KIAA0232: variants seen among roughly 807,000 people sequenced by gnomAD.
KIAA0232 encodes KIAA0232, also known as uncharacterized protein KIAA0232.
In KIAA0232, 27 loss-of-function variants were observed where a neutral mutation model predicts 122.0. That is an observed-to-expected ratio of 0.22 (90% CI 0.16 to 0.31). The LOEUF (loss-of-function observed/expected upper bound fraction) is 0.31. KIAA0232 is among the 10% of genes least tolerant of loss of function. KIAA0232 has a pLI of 1.00. For missense variants in KIAA0232, 1,551 were observed against 1,634.2 expected (o/e 0.95, Z 0.88); for synonymous variants, 613 against 587.6 (o/e 1.04, Z -0.63).
chr4:6,831,964 A>G (rs1163004041), intron 3 of KIAA0232, among the ~76,000 whole-genome samples: 2 of 152,020 alleles, frequency 1.3e-5, no homozygotes, highest in African/African-American at 2.4e-5. Context: ...GCCCACACCT[A>G]CCTTTCCCTT....
At chr4:6,865,834 C>G (rs1721146964) in intron 7 of KIAA0232, among the ~76,000 whole-genome samples, 1 of 152,160 alleles carries the variant, frequency 6.6e-6, no homozygotes, top group Admixed American at 6.5e-5. Flanking sequence ...TTAATTTTGC[C>G]CCTCTCTTAA....
chr4:6,789,621 C>CT (rs1206162541), intron 1 of KIAA0232, among the ~76,000 whole-genome samples: 2 of 152,118 alleles, frequency 1.3e-5, no homozygotes, highest in Non-Finnish European at 2.9e-5. Context: ...AATTTTGTGA[C>CT]TGAGTTGGAG....
intron 3 of KIAA0232, among the ~76,000 whole-genome samples, chr4:6,837,936 A>T (rs935787041): frequency 7.2e-5 from 11 of 151,872 alleles, no homozygotes; most frequent in African/African-American, 2.7e-4. Flanking sequence ...AGGGAGAGGG[A>T]GAGGGAGAGG....
Position 6,863,106 on chromosome 4 carries a change from T to C in KIAA0232, c.2724T>C (p.Gly908=), listed in dbSNP as rs1428727364. The C allele has an allele frequency of 6.2e-7, 1 of 1,614,214 alleles. No individual in the cohort carries two copies. ...FASSELSNVD[G]GDYTTPSKPW... ...CTAGTGAGCTATCAAACGTGGATGG[T>C]GGTGATTATACAACACCCTCTAAAC... The change falls in exon 7 of 10, where the codon GGT becomes GGC. Residue 908 remains glycine, a synonymous_variant. Transcript: ENST00000307659.
intron 4 of KIAA0232, among the ~76,000 whole-genome samples, chr4:6,846,400 C>A (rs185993100): frequency 6.6e-6 from 1 of 152,120 alleles, no homozygotes; most frequent in Non-Finnish European, 1.5e-5. Context: ...CAAGCTTTAC[C>A]GCCTGAGCTC....
Position 6,824,526 on chromosome 4 carries a change from G to T in KIAA0232, c.73G>T (p.Val25Leu), listed in dbSNP as rs1236879958. ...ESSSSSYPGP[V>L]SVSEMSLLHA... Reference sequence around the variant, plus strand: ...CTCCTCAAGTTCTTATCCAGGCCCTGTGTCTGTTTCTGAAATGTCTCTGCT... The same window carrying T: ...CTCCTCAAGTTCTTATCCAGGCCCTTTGTCTGTTTCTGAAATGTCTCTGCT... Residue 25 changes from valine (V) to leucine (L), a missense_variant, in exon 3 of 10, where the codon GTG becomes TTG. Around this residue, in one of 5 missense-constraint regions of KIAA0232, gnomAD observed 37 missense variants for 28.5 expected, o/e 1.30. Coordinates refer to ENST00000307659, the MANE Select transcript of KIAA0232 (RefSeq NM_014743.3). The T allele has an allele frequency of 1.2e-6, 2 of 1,614,170 alleles. No individual in the cohort carries two copies. Among genetic ancestry groups the T allele is most frequent in the Non-Finnish European group, 1.7e-6 (2 of 1,180,024 alleles).
chr4:6,880,958 C>T lies in KIAA0232; in HGVS notation c.4180C>T (p.His1394Tyr), dbSNP rs1722045323. 1.3e-6 allele frequency: 2 copies of T among 1,542,432 alleles called. No individual in the cohort carries two copies. Among genetic ancestry groups the T allele is most frequent in the Non-Finnish European group, 1.8e-6 (2 of 1,142,556 alleles). Residue 1394 changes from histidine (H) to tyrosine (Y), a missense_variant, in exon 10 of 10, where the codon CAT becomes TAT. By Grantham distance (83) the His-to-Tyr change is moderately conservative. Transcript: ENST00000307659. ...PSEEELFSRT[H>Y]L ...TGAAGAGGAGCTCTTTTCTCGAACTCATCTCTAAACCTGCAAAATAGTACA... is the reference window on the plus strand; with the variant it reads ...TGAAGAGGAGCTCTTTTCTCGAACTTATCTCTAAACCTGCAAAATAGTACA...
chr4:6,810,270 C>G (rs1208978731), intron 2 of KIAA0232, among the ~76,000 whole-genome samples: 1 of 152,046 alleles, frequency 6.6e-6, no homozygotes, highest in Non-Finnish European at 1.5e-5. Flanking sequence ...AGAAATTAAG[C>G]CACATATTTA....
At chr4:6,852,480 T>C (rs2108771183) in intron 4 of KIAA0232, among the ~76,000 whole-genome samples, 1 of 152,350 alleles carries the variant, frequency 6.6e-6, no homozygotes, top group South Asian at 2.1e-4. Flanking sequence ...TGATCACCAG[T>C]AGTCATTCTA....
In KIAA0232 at chr4:6,861,540, G is replaced by A. The variant is rs145830536; in HGVS notation, c.1158G>A (p.Leu386=). The change falls in exon 7 of 10, where the codon CTG becomes CTA. Residue 386 remains leucine (L), a synonymous_variant. Transcript: ENST00000307659. The part of the protein sequence containing the change: ...KDPGSTEGKD[L]YMENRKDTEY... The stretch of plus-strand genomic sequence containing the variant: ...CTGGGAGCACTGAAGGAAAAGACCT[G>A]TACATGGAGAATAGAAAGGACACAG... 4.7e-5 allele frequency: 76 copies of A among 1,614,060 alleles called. No homozygotes were observed. The East Asian group carries it at 1.6e-3, about 34-fold the overall frequency.
intron 3 of KIAA0232, among the ~76,000 whole-genome samples, chr4:6,840,662 A>G (rs1443276326): frequency 6.6e-6 from 1 of 151,668 alleles, no homozygotes; most frequent in Non-Finnish European, 1.5e-5. Context: ...TTTCTTTAAG[A>G]TTAGGACTGA....
intron 2 of KIAA0232, among the ~76,000 whole-genome samples, 157 bp downstream of exon 2, chr4:6,804,763 T>G (rs1717540043): frequency 6.6e-6 from 1 of 152,228 alleles, no homozygotes; most frequent in Admixed American, 6.5e-5. Context: ...TATTCCTAAA[T>G]TACATCTTCA....
intron 4 of KIAA0232, among the ~76,000 whole-genome samples, chr4:6,843,990 A>G (rs1261268304): frequency 1.7e-5 from 2 of 117,830 alleles, no homozygotes; most frequent in African/African-American, 6.5e-5. Context: ...CCCAGGCTGA[A>G]GTGCAGTGGC....
intron 4 of KIAA0232, among the ~76,000 whole-genome samples, chr4:6,850,178 G>A (rs1276287227): frequency 6.6e-6 from 1 of 152,154 alleles, no homozygotes. Context: ...TTAGGGGCTG[G>A]GGTATGAAAA....
chr4:6,837,508 G>C (rs1243192531), intron 3 of KIAA0232, among the ~76,000 whole-genome samples: 1 of 152,242 alleles, frequency 6.6e-6, no homozygotes, highest in African/African-American at 2.4e-5. Flanking sequence ...TTCCTAGACG[G>C]GGTGGCGGCC....
Position 6,860,964 on chromosome 4 carries a change from G to T in KIAA0232, c.582G>T (p.Val194=). The change falls in exon 7 of 10, where the codon GTG becomes GTT. Residue 194 remains valine (V), a synonymous_variant. Transcript: ENST00000307659. The stretch of plus-strand genomic sequence containing the variant: ...TTTGCCTGCAAGAAATCATGACTGT[G>T]TGGAACAAGTCTAAAGTCTGTTCTT... ...KPVCLQEIMT[V]WNKSKVCSYS... The T allele has an allele frequency of 6.2e-7, 1 of 1,614,094 alleles. No individual in the cohort carries two copies. Among genetic ancestry groups the T allele is most frequent in the Non-Finnish European group, 8.5e-7 (1 of 1,179,992 alleles).
At chr4:6,878,864 G>T (rs998194323) in intron 9 of KIAA0232, among the ~76,000 whole-genome samples, 2 of 152,136 alleles carry the variant, frequency 1.3e-5, no homozygotes, top group African/African-American at 4.8e-5. Context: ...CATCGTCCAC[G>T]TCCTGCTGCC....
At chr4:6,866,203 A>G in intron 7 of KIAA0232, 1 of 983,418 alleles carries the variant, frequency 1.0e-6, no homozygotes, top group South Asian at 4.7e-5. Context: ...TTGGGAAGAA[A>G]GAAAAAGAGG....
intron 1 of KIAA0232, among the ~76,000 whole-genome samples, chr4:6,788,224 C>A (rs1716721914): frequency 6.6e-6 from 1 of 152,058 alleles, no homozygotes; most frequent in African/African-American, 2.4e-5. Flanking sequence ...TGCTCTGTTG[C>A]CTAGACTGGC....
Sources: gnomAD v4.1 joint callset for allele counts (sites outside exome capture counted in the v4.1 genomes callset) on GRCh38, gnomAD v4.1.1 for gene constraint, gnomAD v4.1.1 regional missense constraint, MANE v1.5 for transcripts, NCBI Gene and HGNC (gene_info 2026-07-23, HGNC 2026-07-21) for gene names.